The following KNCN variants were observed in gnomAD, a reference collection of about 807,000 sequenced individuals.
KNCN encodes the protein kinocilin.
A neutral mutation model predicts 10.4 loss-of-function variants in KNCN; 11 were observed. The ratio of observed to expected loss-of-function variants is 1.06; its 90% CI spans 0.67 to 1.75. KNCN has a LOEUF of 1.75. KNCN is among the 40% of genes most tolerant of loss of function. KNCN has a pLI of 0.00. For synonymous variants in KNCN, 67 were observed against 71.6 expected, an observed-to-expected ratio of 0.94 and a Z score of 0.33; for missense variants, 172 against 167.1, an observed-to-expected ratio of 1.03 and a Z score of -0.16.
rs1390611134 is a variant in KNCN at position 46,551,016 on chromosome 1, C to T, written c.151+49G>A. 1 of 1,505,620 alleles carries T rather than the reference C, an allele frequency of 6.6e-7. No individual in the cohort carries two copies. The highest frequency in any genetic ancestry group is 1.4e-5 in the African/African-American group (1 of 70,900). The allele number at this position is 1,505,620 out of a possible 1,614,324, so 93.3% of individuals were successfully genotyped here. ...CTTGTTCACCTGACGATGCCCCTGC[C>T]CCCACCTCCAGAATCTCCCTTCCCT... On this transcript the variant is annotated intron_variant, in intron 1 of 3. Transcript: ENST00000481882. The surrounding 1 kb of genome is among the most constrained non-coding windows in gnomAD (Gnocchi z 4.0).
chr1:46,549,813 C>T, intron 2 of KNCN, 121 bp downstream of exon 2: 2 of 1,515,396 alleles, frequency 1.3e-6, no homozygotes, highest in East Asian at 5.0e-5. Context: ...CTAACACAGA[C>T]AGCTAGCGCG....
At position 46,547,644 on chromosome 1, in the gene KNCN, C is replaced by CG; in HGVS notation, c.*85dup. Reference sequence around the variant, plus strand: ...TGCAGGGCCTGGCTTGTCTCCGGTCCGGGTCTCCTAACCCAGGAGGGCACT... The same window carrying CG: ...TGCAGGGCCTGGCTTGTCTCCGGTCCGGGGTCTCCTAACCCAGGAGGGCACT... On this transcript the variant is annotated 3_prime_UTR_variant, in exon 4 of 4. Transcript: ENST00000481882. 9.5e-7 allele frequency: 1 copy of CG among 1,055,778 alleles called. No individual in the cohort carries two copies. Among genetic ancestry groups the CG allele is most frequent in the Non-Finnish European group, 1.4e-6 (1 of 694,726 alleles). The allele number at this position is 1,055,778 out of a possible 1,614,324, so 65.4% of individuals were successfully genotyped here.
At position 46,549,232 on chromosome 1, in the gene KNCN, G is replaced by T. The variant is rs1667016231; in HGVS notation, c.256C>A (p.His86Asn). The change falls in exon 3 of 4, where the codon CAC becomes AAC. Residue 86 changes from histidine (H) to asparagine (N), a missense_variant. By Grantham distance (68) the His-to-Asn change is moderately conservative (BLOSUM62 1). Transcript: ENST00000481882. Reference sequence around the variant, plus strand: ...TTGGTGCTGGATCTTCCTTCCCCGTGGTCTGCCCCTGGATGGGGATGGATT... The same window carrying T: ...TTGGTGCTGGATCTTCCTTCCCCGTTGTCTGCCCCTGGATGGGGATGGATT... ...LRIHPHPGAD[H>N]GEGRSSTNGN... 6.2e-7 allele frequency: 1 copy of T among 1,613,126 alleles called. No homozygotes were observed. The highest frequency in any genetic ancestry group is 1.3e-5 in the African/African-American group (1 of 74,828).
rs149288350 is a variant in KNCN, at chr1:46,547,827, G to C, written c.296-18C>G. On this transcript the variant is annotated intron_variant, in intron 3 of 3. Transcript: ENST00000481882. ...GCGGGCTCCTGGGGGAGAGAACAGG[G>C]ACGAGGACTGCCTCCGTAGACAGGT... 5,099 of 1,444,842 alleles carry C rather than the reference G, an allele frequency of 3.5e-3. 95 individuals are homozygous for C. The highest frequency in any genetic ancestry group is 0.033 in the Admixed American group (1,147 of 35,024). 89.5% of individuals were successfully genotyped at this position (1,444,842 alleles called of 1,614,324 possible). A position where few individuals can be genotyped will look rare whatever the true frequency, so the allele number is the denominator to read the frequency against.
rs1426835995 is a variant in KNCN, at chr1:46,547,774, G to T, written c.331C>A (p.Leu111Met). 2.0e-6 allele frequency: 3 copies of T among 1,477,160 alleles called. No homozygotes were observed. Among genetic ancestry groups the T allele is most frequent in the Non-Finnish European group, 2.7e-6 (3 of 1,114,908 alleles). 91.5% of individuals were successfully genotyped at this position (1,477,160 alleles called of 1,614,324 possible). A position where few individuals can be genotyped will look rare whatever the true frequency, so the allele number is the denominator to read the frequency against. Residue 111 changes from leucine to methionine, a missense_variant, in exon 4 of 4, where the codon CTG (leucine) becomes ATG (methionine). Physicochemically the swap from Leu to Met is conservative, Grantham distance 15. Transcript: ENST00000481882. ...CGGGTCCCCGGCTTCAGCTTCTCCA[G>T]GGTCCTGCTCACGGTGGACAGGCTG... ...RSSLSTVSRT[L>M]EKLKPGTRGA...
intron 1 of KNCN, 136 bp downstream of exon 1, chr1:46,550,929 G>C: frequency 1.2e-6 from 1 of 844,488 alleles, no homozygotes; most frequent in Middle Eastern, 3.1e-4. Context: ...TGGCGGCCTT[G>C]CTCACACCTC....
At position 46,551,230 on chromosome 1, in the gene KNCN, G is replaced by A; in HGVS notation, c.-15C>T. The A allele has an allele frequency of 1.3e-6, 2 of 1,599,720 alleles. No homozygotes were observed. The highest frequency in any genetic ancestry group is 1.7e-6 in the Non-Finnish European group (2 of 1,174,210). ...GGGATGTCCATGCAGGCCCACCCGGGGCACTGCCTCCAGCCGGTGCAGTCT... is the reference window on the plus strand; with the variant it reads ...GGGATGTCCATGCAGGCCCACCCGGAGCACTGCCTCCAGCCGGTGCAGTCT... On this transcript the variant is annotated 5_prime_UTR_variant, in exon 1 of 4. Coordinates refer to ENST00000481882, the MANE Select transcript of KNCN (RefSeq NM_001322255.2). The surrounding 1 kb of genome is among the most constrained non-coding windows in gnomAD (Gnocchi z 4.0).
intron 2 of KNCN, 137 bp downstream of exon 2, chr1:46,549,794 ACAG>A: frequency 6.9e-7 from 1 of 1,456,290 alleles, no homozygotes; most frequent in Non-Finnish European, 9.3e-7. Flanking sequence ...ACACACACAC[ACAG>A]CAGCTCTAAC....
Position 46,551,452 on chromosome 1 carries a change from A to C in KNCN, c.-237T>G. 6 of 454,574 alleles carry C rather than the reference A, an allele frequency of 1.3e-5. No homozygotes were observed. The highest frequency in any genetic ancestry group is 3.3e-5 in the South Asian group (1 of 30,400). The allele number at this position is 454,574 out of a possible 1,614,324, so 28.2% of individuals were successfully genotyped here. On this transcript the variant is annotated 5_prime_UTR_variant, in exon 1 of 4. Transcript: ENST00000481882. The surrounding 1 kb of genome is among the most constrained non-coding windows in gnomAD (Gnocchi z 4.0). Reference sequence around the variant, plus strand: ...GGATCTGTACGAGGTCACCCAGCTTACTCTTCCTCTCTCAAAGCCCTCTGA... The same window carrying C: ...GGATCTGTACGAGGTCACCCAGCTTCCTCTTCCTCTCTCAAAGCCCTCTGA...
At position 46,547,826 on chromosome 1, in the gene KNCN, G is replaced by A. The variant is rs538687038; in HGVS notation, c.296-17C>T. ...TGCGGGCTCCTGGGGGAGAGAACAG[G>A]GACGAGGACTGCCTCCGTAGACAGG... On this transcript the variant is annotated splice_polypyrimidine_tract_variant and intron_variant, in intron 3 of 3. Transcript: ENST00000481882. The A allele has an allele frequency of 1.2e-5, 17 of 1,447,034 alleles. No individual in the cohort carries two copies. In the African/African-American group the frequency reaches 2.3e-4, roughly 20 times the overall value. The allele number at this position is 1,447,034 out of a possible 1,614,324, so 89.6% of individuals were successfully genotyped here.
chr1:46,550,061 T>TGG (rs1403372289), intron 1 of KNCN, 59 bp from the exon 2 acceptor site: 1 of 1,549,194 alleles, frequency 6.5e-7, no homozygotes, highest in African/African-American at 1.4e-5. Context: ...GTTGAGGCTG[T>TGG]GGGTGGGCTG....
At chr1:46,550,832 A>T (rs1217961288) in intron 1 of KNCN, among the ~76,000 whole-genome samples, 1 of 152,050 alleles carries the variant, frequency 6.6e-6, no homozygotes, top group East Asian at 1.9e-4. Flanking sequence ...GCCAGAAAAG[A>T]GTGTGACGGC....
Position 46,547,840 on chromosome 1 carries a change from T to C in KNCN, c.296-31A>G. 3.5e-6 allele frequency: 5 copies of C among 1,416,432 alleles called. No homozygotes were observed. In the South Asian group the frequency reaches 6.1e-5, roughly 17 times the overall value. The allele number at this position is 1,416,432 out of a possible 1,614,324, so 87.7% of individuals were successfully genotyped here. ...GGAGAGAACAGGGACGAGGACTGCC[T>C]CCGTAGACAGGTCCCCATGGAGTTG... On this transcript the variant is annotated intron_variant, in intron 3 of 3. Coordinates refer to ENST00000481882, the MANE Select transcript of KNCN (RefSeq NM_001322255.2).
In KNCN at chr1:46,549,173, C is replaced by T. The variant is rs186537972; in HGVS notation, c.295+20G>A. 39 of 1,575,206 alleles carry T rather than the reference C, an allele frequency of 2.5e-5. No homozygotes were observed. Among genetic ancestry groups the T allele is most frequent in the Admixed American group, 8.9e-5 (5 of 56,124 alleles). On this transcript the variant is annotated intron_variant, in intron 3 of 3. Coordinates refer to ENST00000481882, the MANE Select transcript of KNCN (RefSeq NM_001322255.2). ...AAAAAAGAAAAAAGAAGGATGGACT[C>T]GGGAATTTCTGGAACTTACCTTCCT...
Position 46,547,372 on chromosome 1 carries a change from A to T in KNCN, c.*358T>A, listed in dbSNP as rs1666964517. On this transcript the variant is annotated 3_prime_UTR_variant, in exon 4 of 4. Coordinates refer to ENST00000481882, the MANE Select transcript of KNCN (RefSeq NM_001322255.2). The stretch of plus-strand genomic sequence containing the variant: ...AGCAAGGGACTGGGGCATCCTGGTC[A>T]TAGTCAGGGCCTTGGACCCCAAATT... 1 of 501,958 alleles carries T rather than the reference A, an allele frequency of 2.0e-6. No individual in the cohort carries two copies. The highest frequency in any genetic ancestry group is 1.5e-5 in the South Asian group (1 of 64,922). The allele number at this position is 501,958 out of a possible 1,614,324, so 31.1% of individuals were successfully genotyped here.
In KNCN at chr1:46,547,683, CAGGCAGGATGGGA is replaced by C. The variant is rs1346664119; in HGVS notation, c.*34_*46del. On this transcript the variant is annotated 3_prime_UTR_variant, in exon 4 of 4. Transcript: ENST00000481882. ...CAGGAGGGCACTGACATAGGGGCAGCAGGCAGGATGGGAGGGCAGGGCATGGGCAGCCGCTCAG... is the reference window on the plus strand; with the variant it reads ...CAGGAGGGCACTGACATAGGGGCAGCGGGCAGGGCATGGGCAGCCGCTCAG... 2 of 1,413,770 alleles carry C rather than the reference CAGGCAGGATGGGA, an allele frequency of 1.4e-6. No homozygotes were observed. The highest frequency in any genetic ancestry group is 2.8e-5 in the African/African-American group (2 of 70,400). The allele number at this position is 1,413,770 out of a possible 1,614,324, so 87.6% of individuals were successfully genotyped here.
intron 1 of KNCN, 131 bp downstream of exon 1, chr1:46,550,934 C>T (rs1667053690): frequency 6.6e-6 from 6 of 906,926 alleles, no homozygotes; most frequent in Admixed American, 5.9e-5. Context: ...GCCTTGCTCA[C>T]ACCTCTAGCT....
rs11801186 is a variant in KNCN, at chr1:46,548,017, G to A, written c.296-208C>T. ...CTCCAGTCAGGATGGCTTTCAAGAG[G>A]GCAGCAGCATAGGCCGGGGGTAGAG... On this transcript the variant is annotated intron_variant, in intron 3 of 3. Coordinates refer to ENST00000481882, the MANE Select transcript of KNCN (RefSeq NM_001322255.2). 3.2e-3 allele frequency among the ~76,000 whole-genome samples: 494 copies of A among 152,252 alleles called. 6 individuals carry two copies. Among genetic ancestry groups the A allele is most frequent in the African/African-American group, 0.012 (479 of 41,558 alleles).
Position 46,545,783 on chromosome 1 carries a change from C to CTCTCCACAGCTCAG in KNCN, c.*1933_*1946dup, listed in dbSNP as rs1553190669. ...GATGGGCAGGGGGGAGGGAACCACACTCTCCACAGCTCAGTCTCCACATCC... is the reference window on the plus strand; with the variant it reads ...GATGGGCAGGGGGGAGGGAACCACACTCTCCACAGCTCAGTCTCCACAGCTCAGTCTCCACATCC... On this transcript the variant is annotated 3_prime_UTR_variant, in exon 4 of 4. Transcript: ENST00000481882. 6.6e-6 allele frequency: 1 copy of CTCTCCACAGCTCAG among 152,306 alleles called. No homozygotes were observed. Among genetic ancestry groups the CTCTCCACAGCTCAG allele is most frequent in the African/African-American group, 2.4e-5 (1 of 41,428 alleles). 9.4% of individuals were successfully genotyped at this position (152,306 alleles called of 1,614,324 possible).
Sources: allele counts gnomAD v4.1 joint callset (sites outside exome capture counted in the v4.1 genomes callset), GRCh38; gene constraint gnomAD v4.1.1; non-coding constraint Gnocchi (gnomAD v3.1); transcripts MANE v1.5; gene names NCBI Gene and HGNC (gene_info 2026-07-23, HGNC 2026-07-21).